Variants in FKTN observed in about 807,000 individuals in gnomAD.
FKTN encodes fukutin, also known as ribitol-5-phosphate transferase FKTN.
In FKTN, 47 loss-of-function variants were observed where a neutral mutation model predicts 58.6. The observed-to-expected ratio is 0.80, with a 90% confidence interval of 0.63 to 1.02. FKTN has a LOEUF of 1.02. FKTN is among the 50% of genes least tolerant of loss of function. The pLI, the probability that FKTN is intolerant of heterozygous loss-of-function variation, is 0.00. For missense variants in FKTN, 516 were observed against 537.3 expected, an observed-to-expected ratio of 0.96 and a Z score of 0.39; for synonymous variants, 178 against 191.9, an observed-to-expected ratio of 0.93 and a Z score of 0.60.
At chr9:105,578,861 C>A (rs1415554106) in intron 3 of FKTN, among the ~76,000 whole-genome samples, 1 of 151,964 alleles carries the variant, frequency 6.6e-6, no homozygotes, top group East Asian at 1.9e-4. Context: ...TGTTATTGGT[C>A]TATTCAGAGA....
At chr9:105,575,250 T>A in intron 3 of FKTN, 113 bp downstream of exon 3, 1 of 731,286 alleles carries the variant, frequency 1.4e-6, no homozygotes, top group East Asian at 2.7e-5. Context: ...AATTCTTGCA[T>A]CTTTGCGAGG....
rs375817147 is a variant in FKTN at position 105,568,880 on chromosome 9, G to C, written c.-180-4775G>C. ...CACTATTCACAATAGCAAAGACCTG[G>C]AACCAACCCAGATGTCCATCAGTGA... On this transcript the variant is annotated intron_variant, in intron 1 of 10. Transcript: ENST00000357998. Among the ~76,000 whole-genome samples the C allele has an allele frequency of 2.0e-5, 3 of 152,238 alleles. No homozygotes were observed. In the South Asian group the frequency reaches 6.2e-4, roughly 32 times the overall value.
chr9:105,636,782 C>T lies in FKTN; in HGVS notation c.*1518C>T. On this transcript the variant is annotated 3_prime_UTR_variant, in exon 11 of 11. Coordinates refer to ENST00000357998, the MANE Select transcript of FKTN (RefSeq NM_001079802.2). ...ACAATAGTAGTCTCAAGAATGGAAA[C>T]CTGAATGTCTGAGGGAATGGGCTGG... 1 of 1,274,140 alleles carries T rather than the reference C, an allele frequency of 7.8e-7. No homozygotes were observed. Among genetic ancestry groups the T allele is most frequent in the Non-Finnish European group, 1.0e-6 (1 of 968,446 alleles). The allele number at this position is 1,274,140 out of a possible 1,614,324, so 78.9% of individuals were successfully genotyped here. A position where few individuals can be genotyped will look rare whatever the true frequency, so the allele number is the denominator to read the frequency against.
intron 4 of FKTN, among the ~76,000 whole-genome samples, chr9:105,599,735 C>T (rs911197209): frequency 1.3e-5 from 2 of 152,096 alleles, no homozygotes; most frequent in African/African-American, 4.8e-5. Context: ...AACTCCTGAC[C>T]TCAGGTGATC....
rs773884973 is a variant in FKTN, at chr9:105,596,601, G to A, written c.109G>A (p.Gly37Arg). Residue 37 changes from glycine (G) to arginine (R), a missense_variant, in exon 4 of 11, where the codon GGA becomes AGA. Transcript: ENST00000357998. ...AGTTCTTTTGTTGTCTTCCTAGAAT[G>A]GAGCTGGTTTGTCAAAATCCAAAGG... Reference protein sequence around the residue: ...YYKHYLSTKNGAGLSKSKGSR... With the variant: ...YYKHYLSTKNRAGLSKSKGSR... The A allele has an allele frequency of 1.2e-6, 2 of 1,611,366 alleles. No individual in the cohort carries two copies. The highest frequency in any genetic ancestry group is 3.3e-5 in the Admixed American group (2 of 60,008).
intron 4 of FKTN, among the ~76,000 whole-genome samples, chr9:105,599,573 G>A (rs1827481718): frequency 6.8e-6 from 1 of 147,318 alleles, no homozygotes; most frequent in South Asian, 2.1e-4. Flanking sequence ...TTGTGATCTC[G>A]GCTCACTGCA....
chr9:105,591,964 G>A (rs1269882504), intron 3 of FKTN, among the ~76,000 whole-genome samples: 2 of 152,222 alleles, frequency 1.3e-5, no homozygotes, highest in African/African-American at 4.8e-5. Context: ...GCCATGGCTG[G>A]AACTAGAGCA....
intron 7 of FKTN, among the ~76,000 whole-genome samples, chr9:105,609,804 G>A (rs895336876): frequency 2.8e-4 from 43 of 152,204 alleles, no homozygotes; most frequent in African/African-American, 1.0e-3. Flanking sequence ...TCCCATTACT[G>A]TTGATATTCA....
Position 105,637,910 on chromosome 9 carries a change from C to T in FKTN, c.*2646C>T. The T allele has an allele frequency of 2.0e-6, 2 of 985,326 alleles. No homozygotes were observed. Among genetic ancestry groups the T allele is most frequent in the South Asian group, 9.4e-5 (2 of 21,274 alleles). 61.0% of individuals were successfully genotyped at this position (985,326 alleles called of 1,614,324 possible). A position where few individuals can be genotyped will look rare whatever the true frequency, so the allele number is the denominator to read the frequency against. ...TAAAATTGAGCATCCCTAAGAGTAG[C>T]TGCTTGGTGGGACAGCTGATTTCTT... On this transcript the variant is annotated 3_prime_UTR_variant, in exon 11 of 11. Coordinates refer to ENST00000357998, the MANE Select transcript of FKTN (RefSeq NM_001079802.2).
rs572781132 is a variant in FKTN, at chr9:105,592,839, A to G, written c.106-3759A>G. Among the ~76,000 whole-genome samples the G allele has an allele frequency of 2.6e-5, 4 of 152,300 alleles. No individual in the cohort carries two copies. In the South Asian group the frequency reaches 6.2e-4, roughly 24 times the overall value. On this transcript the variant is annotated intron_variant, in intron 3 of 10. Transcript: ENST00000357998. ...CCTTAGCCTGGGCTTCATTGTCCAT[A>G]TCACTATAAGCATCTTGATCACAAC...
At position 105,635,448 on chromosome 9, in the gene FKTN, C is replaced by T. The variant is rs1476691191; in HGVS notation, c.*184C>T. The T allele has an allele frequency of 6.9e-7, 1 of 1,450,464 alleles. No homozygotes were observed. Among genetic ancestry groups the T allele is most frequent in the African/African-American group, 1.4e-5 (1 of 70,186 alleles). 89.8% of individuals were successfully genotyped at this position (1,450,464 alleles called of 1,614,324 possible). Reference sequence around the variant, plus strand: ...AGTACTGAGGAATTTTCATGTGCCACATACAATGCTAGGTTACAGTGGAGA... The same window carrying T: ...AGTACTGAGGAATTTTCATGTGCCATATACAATGCTAGGTTACAGTGGAGA... On this transcript the variant is annotated 3_prime_UTR_variant, in exon 11 of 11. Coordinates refer to ENST00000357998, the MANE Select transcript of FKTN (RefSeq NM_001079802.2).
chr9:105,616,079 T>C (rs1450475254), intron 8 of FKTN, among the ~76,000 whole-genome samples: 1 of 152,206 alleles, frequency 6.6e-6, no homozygotes, highest in Non-Finnish European at 1.5e-5. Context: ...ATCTGAGCCC[T>C]GAAAGATTTG....
rs1834328965 is a variant in FKTN, at chr9:105,640,265, C to T, written c.*5001C>T. The T allele has an allele frequency of 1.6e-6, 2 of 1,219,918 alleles. No individual in the cohort carries two copies. Among genetic ancestry groups the T allele is most frequent in the Admixed American group, 2.9e-5 (1 of 34,876 alleles). 75.6% of individuals were successfully genotyped at this position (1,219,918 alleles called of 1,614,324 possible). A position where few individuals can be genotyped will look rare whatever the true frequency, so the allele number is the denominator to read the frequency against. ...TAAATTTTCTAATAAGAAATCCCTG[C>T]TTCTTTTGGGTGCAGTGGCTCACAC... is the stretch of plus-strand genomic sequence containing the variant. On this transcript the variant is annotated 3_prime_UTR_variant, in exon 11 of 11. Transcript: ENST00000357998.
Position 105,638,629 on chromosome 9 carries a change from G to A in FKTN, c.*3365G>A, listed in dbSNP as rs568164547. 8 of 985,082 alleles carry A rather than the reference G, an allele frequency of 8.1e-6. No homozygotes were observed. The East Asian group carries it at 7.9e-4, about 98-fold the overall frequency. 61.0% of individuals were successfully genotyped at this position (985,082 alleles called of 1,614,324 possible). ...AAGGGACCTTTCCCTGGTAGTAGTG[G>A]TCTCATTCACAAAAAAGAATAATAG... On this transcript the variant is annotated 3_prime_UTR_variant, in exon 11 of 11. Coordinates refer to ENST00000357998, the MANE Select transcript of FKTN (RefSeq NM_001079802.2).
chr9:105,587,431 A>T (rs1160873218), intron 3 of FKTN, among the ~76,000 whole-genome samples: 2 of 152,248 alleles, frequency 1.3e-5, no homozygotes, highest in Non-Finnish European at 2.9e-5. Context: ...CATGTGCAAC[A>T]AAGGCTTTTG....
intron 9 of FKTN, 118 bp downstream of exon 9, chr9:105,618,210 A>C: frequency 1.2e-6 from 1 of 869,364 alleles, no homozygotes; most frequent in Non-Finnish European, 1.9e-6. Flanking sequence ...CTCAGTATTG[A>C]CTAGGATGAG....
At chr9:105,606,693 A>T (rs58752660) in intron 6 of FKTN, among the ~76,000 whole-genome samples, 66 of 92,490 alleles carry the variant, frequency 7.1e-4, no homozygotes, top group Admixed American at 1.1e-3. Context: ...ATATATATAT[A>T]TTATATATAT....
At chr9:105,618,840 C>G (rs551400960) in intron 9 of FKTN, among the ~76,000 whole-genome samples, 1 of 152,182 alleles carries the variant, frequency 6.6e-6, no homozygotes, top group South Asian at 2.1e-4. Context: ...GAGGCCGAGG[C>G]GGGTGGATCA....
At chr9:105,575,836 C>T (rs1337312989) in intron 3 of FKTN, among the ~76,000 whole-genome samples, 1 of 152,164 alleles carries the variant, frequency 6.6e-6, no homozygotes, top group Non-Finnish European at 1.5e-5. Flanking sequence ...TTGCGCCCCT[C>T]CTCAACTAGA....
Sources: gnomAD v4.1 joint callset for allele counts (sites outside exome capture counted in the v4.1 genomes callset) on GRCh38, gnomAD v4.1.1 for gene constraint, MANE v1.5 for transcripts, NCBI Gene and HGNC (gene_info 2026-07-23, HGNC 2026-07-21) for gene names.